Variants in GCSAML observed in about 807,000 individuals in gnomAD.
GCSAML encodes germinal center-associated signaling and motility-like protein.
Under a neutral mutation model 13.0 loss-of-function variants are expected in GCSAML, and 9 were observed. The observed-to-expected ratio is 0.69, with a 90% CI of 0.42 to 1.21. The LOEUF (loss-of-function observed/expected upper bound fraction) is 1.21, where lower values mean the gene tolerates loss of function less well. GCSAML is among the 50% of genes most tolerant of loss of function. The pLI is 0.00. For synonymous variants in GCSAML, 37 were observed against 52.9 expected, an observed-to-expected ratio of 0.70 and a Z score of 1.31; for missense variants, 143 against 153.4, an observed-to-expected ratio of 0.93 and a Z score of 0.36.
intron 2 of GCSAML, 63 bp from the exon 3 acceptor site, chr1:247,563,527 T>C (rs1237077903): frequency 1.1e-6 from 1 of 901,642 alleles, no homozygotes. Context: ...ATGCTTTTTT[T>C]GAAAGGCATT....
intron 2 of GCSAML, among the ~76,000 whole-genome samples, chr1:247,560,790 T>C (rs910102139): frequency 3.3e-5 from 5 of 152,196 alleles, no homozygotes; most frequent in Non-Finnish European, 5.9e-5. Context: ...TCCACTCTTT[T>C]AGCGAATTTC....
upstream of GCSAML, among the ~76,000 whole-genome samples, chr1:247,548,418 C>T (rs1221716778): frequency 2.6e-5 from 4 of 152,226 alleles, no homozygotes; most frequent in Non-Finnish European, 5.9e-5. The surrounding 1 kb of genome is among the most constrained non-coding windows in gnomAD (Gnocchi z 5.3). Flanking sequence ...TCATGTTAGT[C>T]TTTGAGCTGA....
At chr1:247,545,240 G>A (rs12130716), upstream of GCSAML, among the ~76,000 whole-genome samples, 67,606 of 152,090 alleles carry the variant, frequency 0.44, 15,337 homozygotes, top group Non-Finnish European at 0.47. Context: ...TTCAGTGCAC[G>A]TGCTTGGTCT....
intron 1 of GCSAML, among the ~76,000 whole-genome samples, chr1:247,515,651 G>A (rs1666184692): frequency 6.6e-6 from 1 of 152,192 alleles, no homozygotes; most frequent in African/African-American, 2.4e-5. Flanking sequence ...CATGGCAGAT[G>A]GCGAAGGGGA....
intron 4 of GCSAML, among the ~76,000 whole-genome samples, chr1:247,566,168 A>C (rs1176556812): frequency 6.6e-6 from 1 of 152,168 alleles, no homozygotes; most frequent in East Asian, 1.9e-4. Flanking sequence ...AAAAAACCAA[A>C]AAGTATTTCA....
Position 247,565,142 on chromosome 1 carries a change from G to A in GCSAML, c.140-789G>A, listed in dbSNP as rs1011618462. Among the ~76,000 whole-genome samples, 16 of 152,090 alleles carry A rather than the reference G, an allele frequency of 1.1e-4. No individual in the cohort carries two copies. The South Asian group carries it at 1.4e-3, about 14-fold the overall frequency. On this transcript the variant is annotated intron_variant, in intron 3 of 4. Transcript: ENST00000366488. ...TGGGAGGCCGAGGTGGGCAGATCAC[G>A]AGGTCAGGAGATTGAGACCATCCTG... is the stretch of plus-strand genomic sequence containing the variant.
rs1668757965 is a variant in GCSAML, at chr1:247,574,463, C to T, written c.*81C>T. The T allele has an allele frequency of 6.8e-7, 1 of 1,474,440 alleles. No homozygotes were observed. Among genetic ancestry groups the T allele is most frequent in the African/African-American group, 1.4e-5 (1 of 72,012 alleles). The allele number at this position is 1,474,440 out of a possible 1,614,324, so 91.3% of individuals were successfully genotyped here. A position where few individuals can be genotyped will look rare whatever the true frequency, so the allele number is the denominator to read the frequency against. On this transcript the variant is annotated 3_prime_UTR_variant, in exon 5 of 5. Coordinates refer to ENST00000366488, the MANE Select transcript of GCSAML (RefSeq NM_145278.5). Reference sequence around the variant, plus strand: ...CTCTGGCGAAGTTGTTCACCCTGAGCAGTGCATGAAACATTCCTTTCTGGC... The same window carrying T: ...CTCTGGCGAAGTTGTTCACCCTGAGTAGTGCATGAAACATTCCTTTCTGGC...
At chr1:247,509,627 T>C (rs1665952094) in intron 1 of GCSAML, among the ~76,000 whole-genome samples, 1 of 152,202 alleles carries the variant, frequency 6.6e-6, no homozygotes, top group African/African-American at 2.4e-5. Flanking sequence ...AGTATGATAG[T>C]GGCTGTGGGA....
chr1:247,562,404 C>G (rs1314189022), intron 2 of GCSAML, among the ~76,000 whole-genome samples: 1 of 152,102 alleles, frequency 6.6e-6, no homozygotes, highest in African/African-American at 2.4e-5. Flanking sequence ...TCCCAGGCTC[C>G]TTATTTACTG....
intron 2 of GCSAML, among the ~76,000 whole-genome samples, chr1:247,532,996 G>A (rs1331827760): frequency 6.6e-6 from 1 of 152,164 alleles, no homozygotes; most frequent in East Asian, 1.9e-4. Context: ...GCAATAAAGG[G>A]TTAGTCAGGT....
At chr1:247,554,312 A>C (rs2103042115) in intron 1 of GCSAML, among the ~76,000 whole-genome samples, 1 of 152,154 alleles carries the variant, frequency 6.6e-6, no homozygotes, top group East Asian at 1.9e-4. Context: ...TGCCTGTTTT[A>C]TGTCTGTAAT....
At chr1:247,523,608 A>C (rs567024158) in intron 1 of GCSAML, among the ~76,000 whole-genome samples, 8 of 152,334 alleles carry the variant, frequency 5.3e-5, no homozygotes, top group Non-Finnish European at 1.0e-4. Context: ...TCCAGACATT[A>C]ATTTAAAAAT....
chr1:247,512,629 TTCC>T (rs1350551468), intron 1 of GCSAML, among the ~76,000 whole-genome samples: 1 of 152,164 alleles, frequency 6.6e-6, no homozygotes, highest in Non-Finnish European at 1.5e-5. Context: ...GCACTGGTTT[TTCC>T]TCATCTTTGT....
intron 1 of GCSAML, among the ~76,000 whole-genome samples, chr1:247,513,651 G>C (rs1490978699): frequency 1.3e-5 from 2 of 152,222 alleles, no homozygotes; most frequent in African/African-American, 4.8e-5. Flanking sequence ...GCACCTGAGG[G>C]AATCTCCTGG....
At chr1:247,517,457 T>C (rs532198724) in intron 1 of GCSAML, among the ~76,000 whole-genome samples, 2 of 152,336 alleles carry the variant, frequency 1.3e-5, no homozygotes, top group East Asian at 1.9e-4. Flanking sequence ...ATCGTATTAA[T>C]TGAAGCTATT....
At chr1:247,549,346 T>C in intron 1 of GCSAML, 126 bp downstream of exon 1, 1 of 755,750 alleles carries the variant, frequency 1.3e-6, no homozygotes, top group South Asian at 1.8e-5. Context: ...GAAGACAGCA[T>C]CCTCTAGGAG....
At chr1:247,537,263 T>G (rs1452770355) in intron 2 of GCSAML, among the ~76,000 whole-genome samples, 1 of 152,156 alleles carries the variant, frequency 6.6e-6, no homozygotes, top group Non-Finnish European at 1.5e-5. Flanking sequence ...TAACATGATA[T>G]TTTCAAGGTT....
chr1:247,530,697 A>C (rs1372433852), intron 2 of GCSAML: 1 of 152,712 alleles, frequency 6.5e-6, no homozygotes, highest in Admixed American at 6.5e-5. Context: ...AAATGCACAC[A>C]AAACAATGGA....
upstream of GCSAML, chr1:247,549,126 C>G (rs555708831): frequency 6.2e-7 from 1 of 1,613,984 alleles, no homozygotes; most frequent in East Asian, 2.2e-5. Flanking sequence ...CCTCTTGGTG[C>G]TTTGGTCAGA....
Sources: allele counts gnomAD v4.1 joint callset (sites outside exome capture counted in the v4.1 genomes callset), GRCh38; gene constraint gnomAD v4.1.1; non-coding constraint Gnocchi (gnomAD v3.1); transcripts MANE v1.5; gene names NCBI Gene and HGNC (gene_info 2026-07-23, HGNC 2026-07-21).